Variants in MYO10 observed in about 807,000 individuals in gnomAD.
MYO10 encodes the protein myosin X, also known as unconventional myosin-X.
Under a neutral mutation model 257.3 loss-of-function variants are expected in MYO10, and 133 were observed. The observed-to-expected ratio is 0.52, with a 90% confidence interval of 0.45 to 0.60. The LOEUF (loss-of-function observed/expected upper bound fraction) is 0.60, where lower values mean the gene tolerates loss of function less well. Ranked by LOEUF, MYO10 falls within the 20% of genes least tolerant of loss-of-function variation. The pLI is 0.00. For synonymous variants in MYO10, 1,104 were observed against 1,028.6 expected (o/e 1.07, Z -1.40); for missense variants, 2,399 against 2,635.7 (o/e 0.91, Z 1.97).
At chr5:16,914,651 C>A (rs1173136619) in intron 1 of MYO10, among the ~76,000 whole-genome samples, 2 of 152,162 alleles carry the variant, frequency 1.3e-5, no homozygotes, top group Non-Finnish European at 2.9e-5. Flanking sequence ...CACTGGGTAC[C>A]CCAGACATGA....
In MYO10 at chr5:16,701,055, C is replaced by T. The variant is rs774020439; in HGVS notation, c.3340G>A (p.Gly1114Ser). 12 of 1,567,996 alleles carry T rather than the reference C, an allele frequency of 7.7e-6. No homozygotes were observed. Among genetic ancestry groups the T allele is most frequent in the South Asian group, 2.4e-5 (2 of 85,088 alleles). ...GSSVTFSNSY[G>S]SQWSPDYRCS... ...CGGTAGTCGGGGGACCACTGGCTGC[C>T]GTAGGAGTTGGAGAAGGTCACGCTG... The change falls in exon 25 of 41, where the codon GGC (glycine) becomes AGC (serine). Residue 1114 changes from glycine to serine, a missense_variant. Transcript: ENST00000513610. This position sits in a 1 kb window ranked among gnomAD's most constrained non-coding sequence, Gnocchi z 8.1.
chr5:16,702,871 C>T (rs1376277686), intron 23 of MYO10, 54 bp downstream of exon 23: 1 of 1,468,182 alleles, frequency 6.8e-7, no homozygotes, highest in Non-Finnish European at 9.3e-7. Flanking sequence ...AGATACCGAG[C>T]ACAGCACTCA....
At chr5:16,925,778 GAAATGGTGAT>G (rs1746115001) in intron 1 of MYO10, among the ~76,000 whole-genome samples, 1 of 152,140 alleles carries the variant, frequency 6.6e-6, no homozygotes, top group African/African-American at 2.4e-5. Flanking sequence ...CCTGATTTAA[GAAATGGTGAT>G]AAATCACAAT....
At chr5:16,892,574 C>T (rs1042858542) in intron 1 of MYO10, among the ~76,000 whole-genome samples, 14 of 152,118 alleles carry the variant, frequency 9.2e-5, no homozygotes, top group African/African-American at 2.4e-4. Context: ...ACCAAGGAGG[C>T]GGAAGTTACA....
intron 1 of MYO10, among the ~76,000 whole-genome samples, chr5:16,904,435 G>A (rs1203010103): frequency 2.0e-5 from 3 of 152,194 alleles, no homozygotes; most frequent in African/African-American, 7.2e-5. Flanking sequence ...AAGCACAGGT[G>A]CAGCAACCTG....
rs953047239 is a variant in MYO10 at position 16,701,226 on chromosome 5, C to A, written c.3169G>T (p.Val1057Leu). 1.9e-6 allele frequency: 3 copies of A among 1,612,670 alleles called. No homozygotes were observed. The highest frequency in any genetic ancestry group is 2.5e-6 in the Non-Finnish European group (3 of 1,179,416). The part of the protein sequence containing the change: ...ADSTVLLAPS[V>L]QDSGSLHNSS... ...TTGTGTAGGCTCCCGGAGTCCTGCA[C>A]TGATGGGGCGAGCAGCACCGTGCTG... The change falls in exon 25 of 41, where the codon GTG becomes TTG. Residue 1057 changes from valine (V) to leucine (L), a missense_variant. By Grantham distance (32) the Val-to-Leu change is conservative. Transcript: ENST00000513610. The surrounding 1 kb of genome is among the most constrained non-coding windows in gnomAD (Gnocchi z 8.1).
At chr5:16,881,972 T>C (rs73754025) in intron 1 of MYO10, among the ~76,000 whole-genome samples, 2,893 of 152,322 alleles carry the variant, frequency 0.019, 94 homozygotes, top group African/African-American at 0.067. Flanking sequence ...ATTGCCTTTA[T>C]AAGCAGGTGG....
rs1736026090 is a variant in MYO10, at chr5:16,662,741, G to A, written c.*3951C>T. 1 of 152,156 alleles carries A rather than the reference G, an allele frequency of 6.6e-6. No homozygotes were observed. Among genetic ancestry groups the A allele is most frequent in the Admixed American group, 6.5e-5 (1 of 15,276 alleles). 9.4% of individuals were successfully genotyped at this position (152,156 alleles called of 1,614,324 possible). On this transcript the variant is annotated 3_prime_UTR_variant, in exon 41 of 41. Transcript: ENST00000513610. Reference sequence around the variant, plus strand: ...TGTCACGGGAGGGACCTGATGGGAGGTAATTGAATCATGGGGGTGGGTTTT... The same window carrying A: ...TGTCACGGGAGGGACCTGATGGGAGATAATTGAATCATGGGGGTGGGTTTT...
intron 9 of MYO10, among the ~76,000 whole-genome samples, chr5:16,778,482 T>G (rs1022708553): frequency 6.6e-6 from 1 of 152,078 alleles, no homozygotes; most frequent in Non-Finnish European, 1.5e-5. Flanking sequence ...TAGATGCTTT[T>G]GGGTCGATGA....
At chr5:16,715,068 C>G (rs1738789574) in intron 19 of MYO10, among the ~76,000 whole-genome samples, 1 of 148,944 alleles carries the variant, frequency 6.7e-6, no homozygotes, top group African/African-American at 2.5e-5. Flanking sequence ...TGTCAAAATA[C>G]CTCATACATC....
At position 16,931,883 on chromosome 5, in the gene MYO10, T is replaced by C. The variant is rs559783703; in HGVS notation, c.21+3905A>G. ...AAAAATAACAATGTCCACATTTTTCTCTAACAAGAAAAGATGTCAATAGAT... is the reference window on the plus strand; with the variant it reads ...AAAAATAACAATGTCCACATTTTTCCCTAACAAGAAAAGATGTCAATAGAT... On this transcript the variant is annotated intron_variant, in intron 1 of 40. Coordinates refer to ENST00000513610, the MANE Select transcript of MYO10 (RefSeq NM_012334.3). Among the ~76,000 whole-genome samples the C allele has an allele frequency of 1.7e-4, 26 of 152,338 alleles. No individual in the cohort carries two copies. In the South Asian group the frequency reaches 3.7e-3, roughly 22 times the overall value.
chr5:16,797,430 A>G (rs1742003408), intron 3 of MYO10, among the ~76,000 whole-genome samples: 2 of 152,238 alleles, frequency 1.3e-5, no homozygotes, highest in South Asian at 4.1e-4. Context: ...AAAAAAGGTT[A>G]AAAACATAAA....
chr5:16,902,624 C>A (rs1745414464), intron 1 of MYO10: 2 of 1,519,506 alleles, frequency 1.3e-6, no homozygotes, highest in South Asian at 2.2e-5. Context: ...GACCATTGTT[C>A]CTTCTTTTCT....
At position 16,703,805 on chromosome 5, in the gene MYO10, C is replaced by G. The variant is rs528788068; in HGVS notation, c.2277-647G>C. 2.0e-5 allele frequency among the ~76,000 whole-genome samples: 3 copies of G among 148,918 alleles called. No homozygotes were observed. In the Admixed American group the frequency reaches 2.0e-4, roughly 10 times the overall value. On this transcript the variant is annotated intron_variant, in intron 22 of 40. Transcript: ENST00000513610. ...GCTGAGGCAGGAGAATCACTTGAACCCGGGAGGCGGAGGTTGCAGTGGGCT... is the reference window on the plus strand; with the variant it reads ...GCTGAGGCAGGAGAATCACTTGAACGCGGGAGGCGGAGGTTGCAGTGGGCT...
intron 33 of MYO10, among the ~76,000 whole-genome samples, chr5:16,676,803 A>C (rs1021192616): frequency 3.9e-5 from 6 of 152,334 alleles, no homozygotes; most frequent in Non-Finnish European, 7.3e-5. Flanking sequence ...CAGGAGTTTG[A>C]GACCAGCCTG....
intron 30 of MYO10, among the ~76,000 whole-genome samples, chr5:16,683,194 T>A (rs1304499470): frequency 1.3e-5 from 2 of 152,204 alleles, no homozygotes; most frequent in Non-Finnish European, 2.9e-5. Context: ...ACACTCGTAT[T>A]CACTTTCCAG....
At chr5:16,904,183 G>T (rs1745458157) in intron 1 of MYO10, among the ~76,000 whole-genome samples, 1 of 152,098 alleles carries the variant, frequency 6.6e-6, no homozygotes, top group Non-Finnish European at 1.5e-5. Context: ...CGGACAGCTG[G>T]ACACATGGGG....
At chr5:16,762,325 C>T (rs913714691) in intron 15 of MYO10, among the ~76,000 whole-genome samples, 4 of 152,188 alleles carry the variant, frequency 2.6e-5, no homozygotes, top group Middle Eastern at 3.4e-3. Flanking sequence ...AACAATTTTA[C>T]GTTCTCTAAA....
Position 16,783,458 on chromosome 5 carries a change from C to T in MYO10, c.479G>A (p.Gly160Glu), listed in dbSNP as rs1195265874. ...TTTAGTGCTTTCGGTTTTACCTGCC[C>T]CACTTTCACCACTGAAAGACAAAAC... Reference protein sequence around the residue: ...NQCILISGESGAGKTESTKLI... With the variant: ...NQCILISGESEAGKTESTKLI... The change falls in exon 5 of 41, where the codon GGG becomes GAG. Residue 160 changes from glycine (G) to glutamate (E), a missense_variant. Coordinates refer to ENST00000513610, the MANE Select transcript of MYO10 (RefSeq NM_012334.3). 6.2e-7 allele frequency: 1 copy of T among 1,607,996 alleles called. No homozygotes were observed. The highest frequency in any genetic ancestry group is 8.5e-7 in the Non-Finnish European group (1 of 1,178,234).
Sources: allele counts gnomAD v4.1 joint callset (sites outside exome capture counted in the v4.1 genomes callset), GRCh38; gene constraint gnomAD v4.1.1; non-coding constraint Gnocchi (gnomAD v3.1); transcripts MANE v1.5; gene names NCBI Gene and HGNC (gene_info 2026-07-23, HGNC 2026-07-21).